PPP2R2C: variants seen among roughly 807,000 people sequenced by gnomAD.
PPP2R2C encodes protein phosphatase 2 regulatory subunit Bgamma, also known as protein phosphatase 2, regulatory subunit B, gamma.
Under a neutral mutation model 45.3 loss-of-function variants are expected in PPP2R2C, and 10 were observed. The observed-to-expected ratio is 0.22, with a 90% CI of 0.14 to 0.37. PPP2R2C has a LOEUF of 0.37. PPP2R2C is among the 10% of genes least tolerant of loss of function. The probability of loss-of-function intolerance (pLI) is 1.00; values close to 1 mark genes in which losing one functional copy is unlikely to be tolerated. For synonymous variants in PPP2R2C, 257 were observed against 245.4 expected (o/e 1.05, Z -0.44); for missense variants, 308 against 619.7 (o/e 0.50, Z 5.34).
upstream of PPP2R2C, among the ~76,000 whole-genome samples, chr4:6,475,418 T>C (rs1204883664): frequency 6.6e-6 from 1 of 152,172 alleles, no homozygotes; most frequent in East Asian, 1.9e-4. Flanking sequence ...CACCAGCACA[T>C]TGCATTTCTG....
chr4:6,382,368 C>A, intron 1 of PPP2R2C: 1 of 1,339,690 alleles, frequency 7.5e-7, no homozygotes, highest in Non-Finnish European at 9.8e-7. Flanking sequence ...CAGATCTGAC[C>A]GTTGCTCCCT....
rs190529800 is a variant in PPP2R2C at position 6,345,306 on chromosome 4, C to T, written c.790+2540G>A. 1.1e-4 allele frequency among the ~76,000 whole-genome samples: 17 copies of T among 152,222 alleles called. No individual in the cohort carries two copies. Among genetic ancestry groups the T allele is most frequent in the Admixed American group, 5.9e-4 (9 of 15,286 alleles). On this transcript the variant is annotated intron_variant, in intron 6 of 8. Coordinates refer to ENST00000382599, the MANE Select transcript of PPP2R2C (RefSeq NM_020416.4). This position sits in a 1 kb window ranked among gnomAD's most constrained non-coding sequence, Gnocchi z 5.3. ...GTGGCCTGAGTGAATGGGCGGGAGG[C>T]GTAGGTGGGGGGGCAGTGTCCTGTA...
chr4:6,387,444 C>G (rs1440403935), intron 1 of PPP2R2C, among the ~76,000 whole-genome samples: 1 of 152,184 alleles, frequency 6.6e-6, no homozygotes, highest in Non-Finnish European at 1.5e-5. Context: ...CCAGAAGACT[C>G]TTTTAATGTG....
At chr4:6,326,757 G>A (rs1193373342) in intron 8 of PPP2R2C, among the ~76,000 whole-genome samples, 1 of 152,248 alleles carries the variant, frequency 6.6e-6, no homozygotes, top group Non-Finnish European at 1.5e-5. Flanking sequence ...AGTCCAGCAG[G>A]AGAGCTGCTG....
intron 1 of PPP2R2C, among the ~76,000 whole-genome samples, chr4:6,461,631 G>A (rs1315967988): frequency 6.6e-6 from 1 of 152,154 alleles, no homozygotes. Context: ...GGGCCAACTG[G>A]GATCATCCAC....
At chr4:6,428,749 T>C (rs1719464956) in intron 1 of PPP2R2C, among the ~76,000 whole-genome samples, 1 of 152,242 alleles carries the variant, frequency 6.6e-6, no homozygotes, top group African/African-American at 2.4e-5. Context: ...TGAGTGTCTC[T>C]GTCTCCAAAA....
chr4:6,408,356 A>G (rs1265823850), intron 1 of PPP2R2C, among the ~76,000 whole-genome samples: 1 of 152,174 alleles, frequency 6.6e-6, no homozygotes, highest in Non-Finnish European at 1.5e-5. Flanking sequence ...CCCCCGGTAC[A>G]GGTTCTTCAC....
intron 5 of PPP2R2C, chr4:6,349,719 T>G (rs888357133): frequency 1.5e-6 from 1 of 682,928 alleles, no homozygotes; most frequent in Non-Finnish European, 1.8e-6. Context: ...CTGACCAACA[T>G]TGCAAAACCC....
intron 2 of PPP2R2C, among the ~76,000 whole-genome samples, chr4:6,516,140 G>A (rs1245868360): frequency 6.6e-6 from 1 of 152,216 alleles, no homozygotes; most frequent in African/African-American, 2.4e-5. Flanking sequence ...GTATTTGGTG[G>A]TGGGTGAGGG....
chr4:6,326,072 T>C (rs949813635), intron 8 of PPP2R2C, among the ~76,000 whole-genome samples: 1 of 152,200 alleles, frequency 6.6e-6, no homozygotes, highest in South Asian at 2.1e-4. Flanking sequence ...AACTTGGGCA[T>C]GTGATATCCC....
chr4:6,396,986 C>CA (rs1256309895), intron 1 of PPP2R2C, among the ~76,000 whole-genome samples: 19 of 152,284 alleles, frequency 1.2e-4, no homozygotes, highest in Admixed American at 5.2e-4. Flanking sequence ...ACAACTGGCT[C>CA]AAAAAATTCC....
chr4:6,436,219 A>T (rs28418897), intron 1 of PPP2R2C, among the ~76,000 whole-genome samples: 4 of 152,298 alleles, frequency 2.6e-5, no homozygotes, highest in African/African-American at 7.2e-5. Flanking sequence ...AAGCCACCCA[A>T]TCTATGGTAT....
chr4:6,473,311 AC>A (rs1438492775), upstream of PPP2R2C, among the ~76,000 whole-genome samples: 1 of 151,922 alleles, frequency 6.6e-6, no homozygotes, highest in Non-Finnish European at 1.5e-5. Context: ...TCCCCTCCAA[AC>A]CCAGGGCTCT....
intron 1 of PPP2R2C, among the ~76,000 whole-genome samples, chr4:6,465,266 A>G (rs911831639): frequency 6.6e-6 from 1 of 152,162 alleles, no homozygotes; most frequent in South Asian, 2.1e-4. Context: ...AGCTTGTAAA[A>G]TAAGATAACT....
chr4:6,331,880 C>T lies in PPP2R2C; in HGVS notation c.960+1682G>A, dbSNP rs1053253376. 2.4e-4 allele frequency among the ~76,000 whole-genome samples: 36 copies of T among 152,212 alleles called. No homozygotes were observed. Among genetic ancestry groups the T allele is most frequent in the African/African-American group, 8.2e-4 (34 of 41,448 alleles). ...TGTTAAGCACCGCACACCAGCCGAA[C>T]GCAGTCCTGCTACACACAATTTCTA... On this transcript the variant is annotated intron_variant, in intron 7 of 8. Coordinates refer to ENST00000382599, the MANE Select transcript of PPP2R2C (RefSeq NM_020416.4). The surrounding 1 kb of genome is among the most constrained non-coding windows in gnomAD (Gnocchi z 5.9).
intron 1 of PPP2R2C, among the ~76,000 whole-genome samples, chr4:6,432,065 G>A (rs6858815): frequency 0.98 from 149,804 of 152,224 alleles, 73,752 homozygotes; most frequent in Middle Eastern, 1. Flanking sequence ...ACCTCTTAAC[G>A]CATCACCTTA....
At chr4:6,511,370 T>G (rs1207894971) in intron 2 of PPP2R2C, among the ~76,000 whole-genome samples, 1 of 150,922 alleles carries the variant, frequency 6.6e-6, no homozygotes, top group African/African-American at 2.4e-5. Flanking sequence ...ATGGTGGTGG[T>G]GGCGGTGATG....
upstream of PPP2R2C, among the ~76,000 whole-genome samples, chr4:6,475,546 C>A (rs1177445052): frequency 3.3e-5 from 5 of 152,206 alleles, no homozygotes; most frequent in Non-Finnish European, 7.3e-5. Flanking sequence ...AAACTTGTGT[C>A]AGACGGCATG....
At chr4:6,561,253 G>A (rs180883132) in intron 1 of PPP2R2C, among the ~76,000 whole-genome samples, 28 of 152,322 alleles carry the variant, frequency 1.8e-4, no homozygotes, top group Admixed American at 6.5e-5. Context: ...GAAGACAGGC[G>A]TCTTGCAAGA....
Sources: gnomAD v4.1 joint callset for allele counts (sites outside exome capture counted in the v4.1 genomes callset) on GRCh38, gnomAD v4.1.1 for gene constraint, Gnocchi (gnomAD v3.1) non-coding constraint, MANE v1.5 for transcripts, NCBI Gene and HGNC (gene_info 2026-07-23, HGNC 2026-07-21) for gene names.